MAP6: variants seen among roughly 807,000 people sequenced by gnomAD.
The protein encoded by MAP6 is microtubule associated protein 6, also known as microtubule-associated protein 6.
In MAP6, 26 loss-of-function variants were observed where a neutral mutation model predicts 42.4. The ratio of observed to expected loss-of-function variants is 0.61; its 90% CI spans 0.45 to 0.85. MAP6 has a LOEUF of 0.85. MAP6 is among the 40% of genes least tolerant of loss of function. The pLI, the probability that MAP6 is intolerant of heterozygous loss-of-function variation, is 0.00. For missense variants in MAP6, 966 were observed against 1,099.0 expected (o/e 0.88, Z 1.71); for synonymous variants, 418 against 443.8 (o/e 0.94, Z 0.73).
At chr11:75,607,425 C>T (rs1220832874) in intron 2 of MAP6, 1 of 985,298 alleles carries the variant, frequency 1.0e-6, no homozygotes. Context: ...CCTGCTTCAC[C>T]AGCTATATCT....
At chr11:75,647,303 T>G (rs1418023636) in intron 1 of MAP6, among the ~76,000 whole-genome samples, 1 of 55,270 alleles carries the variant, frequency 1.8e-5, no homozygotes, top group Non-Finnish European at 3.6e-5. Flanking sequence ...TTTTAATTCT[T>G]AAATAAAAAT....
In MAP6 at chr11:75,608,106, C is replaced by T; in HGVS notation, c.1119+3G>A. ...TGATGGGTTCCCACAAGGTCTGTCTCACCTTTGGGGGTTCCTTGAAGGGTT... is the reference window on the plus strand; with the variant it reads ...TGATGGGTTCCCACAAGGTCTGTCTTACCTTTGGGGGTTCCTTGAAGGGTT... On this transcript the variant is annotated splice_donor_region_variant and intron_variant, in intron 2 of 3. Coordinates refer to ENST00000304771, the MANE Select transcript of MAP6 (RefSeq NM_033063.2). 3 of 1,613,238 alleles carry T rather than the reference C, an allele frequency of 1.9e-6. No individual in the cohort carries two copies. The highest frequency in any genetic ancestry group is 1.7e-6 in the Non-Finnish European group (2 of 1,179,758).
chr11:75,609,523 C>T (rs1942850109), intron 1 of MAP6, among the ~76,000 whole-genome samples: 1 of 152,248 alleles, frequency 6.6e-6, no homozygotes, highest in African/African-American at 2.4e-5. Context: ...GGCTCTCGTG[C>T]TAGCACTGCC....
intron 3 of MAP6, among the ~76,000 whole-genome samples, chr11:75,601,757 C>T (rs1054681391): frequency 5.9e-5 from 9 of 151,820 alleles, no homozygotes; most frequent in African/African-American, 2.2e-4. Flanking sequence ...TGTCACTCTC[C>T]AGCCTGTGCC....
intron 3 of MAP6, among the ~76,000 whole-genome samples, chr11:75,590,510 T>C (rs1942458633): frequency 6.6e-6 from 1 of 152,210 alleles, no homozygotes; most frequent in South Asian, 2.1e-4. Flanking sequence ...TTCTGTTTAA[T>C]GGGCTCTTCT....
intron 2 of MAP6, chr11:75,607,359 T>C (rs1942798514): frequency 4.1e-6 from 4 of 985,340 alleles, no homozygotes; most frequent in South Asian, 9.4e-5. Context: ...TGGATATTTG[T>C]ACAATTCCAT....
chr11:75,639,947 C>T (rs1943434509), intron 1 of MAP6, among the ~76,000 whole-genome samples: 1 of 152,192 alleles, frequency 6.6e-6, no homozygotes, highest in Non-Finnish European at 1.5e-5. Flanking sequence ...CTGACTGCCT[C>T]CCACTCCATT....
Position 75,667,450 on chromosome 11 carries a change from G to C in MAP6, c.905+15C>G, listed in dbSNP as rs1194703140. ...GCGTGGTGACTCCCCCGCGCTAGCA[G>C]CGGCCGCGTCTCACCTGTAGGAGCT... is the stretch of plus-strand genomic sequence containing the variant. On this transcript the variant is annotated intron_variant, in intron 1 of 3. Coordinates refer to ENST00000304771, the MANE Select transcript of MAP6 (RefSeq NM_033063.2). The surrounding 1 kb of genome is among the most constrained non-coding windows in gnomAD (Gnocchi z 5.6). 1 of 1,469,398 alleles carries C rather than the reference G, an allele frequency of 6.8e-7. No homozygotes were observed. Among genetic ancestry groups the C allele is most frequent in the Non-Finnish European group, 8.9e-7 (1 of 1,117,662 alleles). The allele number at this position is 1,469,398 out of a possible 1,614,324, so 91.0% of individuals were successfully genotyped here.
chr11:75,630,295 A>C (rs1391359155), intron 1 of MAP6, among the ~76,000 whole-genome samples: 1 of 152,144 alleles, frequency 6.6e-6, no homozygotes, highest in Non-Finnish European at 1.5e-5. Flanking sequence ...TGAGCTATGA[A>C]GTGTTCTCTC....
intron 1 of MAP6, among the ~76,000 whole-genome samples, chr11:75,658,172 G>A (rs985961755): frequency 6.6e-6 from 1 of 152,154 alleles, no homozygotes; most frequent in African/African-American, 2.4e-5. Context: ...CTGTTAGGTA[G>A]ATACTCAAGA....
chr11:75,654,866 T>C (rs542708768), intron 1 of MAP6, among the ~76,000 whole-genome samples: 1 of 152,298 alleles, frequency 6.6e-6, no homozygotes, highest in East Asian at 1.9e-4. Flanking sequence ...AGATGCATGA[T>C]TCAAACCCAG....
chr11:75,649,056 A>C (rs1017968155), intron 1 of MAP6, among the ~76,000 whole-genome samples: 2 of 152,228 alleles, frequency 1.3e-5, no homozygotes, highest in Non-Finnish European at 2.9e-5. Context: ...TTTCTCTTCT[A>C]ACCCTTTAAT....
intron 1 of MAP6, among the ~76,000 whole-genome samples, chr11:75,656,032 T>C (rs537375448): frequency 1.3e-5 from 2 of 152,380 alleles, no homozygotes; most frequent in South Asian, 2.1e-4. Flanking sequence ...AACTCAATTA[T>C]GTCTCTGTTC....
Position 75,667,672 on chromosome 11 carries a change from G to A in MAP6, c.698C>T (p.Ala233Val). The A allele has an allele frequency of 7.9e-7, 1 of 1,266,724 alleles. No homozygotes were observed. Among genetic ancestry groups the A allele is most frequent in the South Asian group, 2.9e-5 (1 of 34,490 alleles). 78.5% of individuals were successfully genotyped at this position (1,266,724 alleles called of 1,614,324 possible). A position where few individuals can be genotyped will look rare whatever the true frequency, so the allele number is the denominator to read the frequency against. ...GGLAAGKASG[A>V]DERDTRRKAG... ...CTTCCTGCGCGTGTCGCGCTCGTCC[G>A]CCCCGGACGCCTTTCCGGCCGCCAG... The change falls in exon 1 of 4, where the codon GCG (alanine) becomes GTG (valine). Residue 233 changes from alanine to valine, a missense_variant. Coordinates refer to ENST00000304771, the MANE Select transcript of MAP6 (RefSeq NM_033063.2). The surrounding 1 kb of genome is among the most constrained non-coding windows in gnomAD (Gnocchi z 5.6).
At chr11:75,659,616 T>G (rs767705464) in intron 1 of MAP6, among the ~76,000 whole-genome samples, 2 of 152,244 alleles carry the variant, frequency 1.3e-5, no homozygotes, top group African/African-American at 2.4e-5. Flanking sequence ...AGTATTATTA[T>G]TTCTCATGGT....
chr11:75,627,237 C>A (rs1943213275), intron 1 of MAP6, among the ~76,000 whole-genome samples: 1 of 152,244 alleles, frequency 6.6e-6, no homozygotes, highest in Non-Finnish European at 1.5e-5. Context: ...CCCCAGGGAA[C>A]TCTGTGCCAT....
intron 1 of MAP6, among the ~76,000 whole-genome samples, chr11:75,614,661 C>G (rs957054763): frequency 6.6e-6 from 1 of 152,206 alleles, no homozygotes; most frequent in East Asian, 1.9e-4. Context: ...ACCCTGAGCT[C>G]GAACCATCCA....
chr11:75,611,059 T>G (rs978660660), intron 1 of MAP6, among the ~76,000 whole-genome samples: 2 of 152,166 alleles, frequency 1.3e-5, no homozygotes, highest in Non-Finnish European at 2.9e-5. Flanking sequence ...ATTTTGGCCC[T>G]ACACACAGGC....
chr11:75,643,953 T>C (rs938201385), intron 1 of MAP6, among the ~76,000 whole-genome samples: 2 of 152,220 alleles, frequency 1.3e-5, no homozygotes, highest in Non-Finnish European at 2.9e-5. Context: ...CTTAGGCAGT[T>C]TCTGATTCTA....
Sources: gnomAD v4.1 joint callset for allele counts (sites outside exome capture counted in the v4.1 genomes callset) on GRCh38, gnomAD v4.1.1 for gene constraint, Gnocchi (gnomAD v3.1) non-coding constraint, MANE v1.5 for transcripts, NCBI Gene and HGNC (gene_info 2026-07-23, HGNC 2026-07-21) for gene names.